Variants in CD3D observed in about 807,000 individuals in gnomAD.
CD3D encodes the protein T-cell surface glycoprotein CD3 delta chain.
A neutral mutation model predicts 22.0 loss-of-function variants in CD3D; 22 were observed. The ratio of observed to expected loss-of-function variants is 1.00; its 90% CI spans 0.71 to 1.43. The LOEUF (loss-of-function observed/expected upper bound fraction) is 1.43, where lower values mean the gene tolerates loss of function less well. CD3D is among the 40% of genes most tolerant of loss of function. The probability of loss-of-function intolerance (pLI) is 0.00; values close to 1 mark genes in which losing one functional copy is unlikely to be tolerated. For synonymous variants in CD3D, 74 were observed against 81.2 expected (o/e 0.91, Z 0.48); for missense variants, 205 against 211.7 (o/e 0.97, Z 0.20).
In CD3D at chr11:118,339,605, A is replaced by G. The variant is rs936352803; in HGVS notation, c.407-111T>C. 1.9e-6 allele frequency: 3 copies of G among 1,567,234 alleles called. No individual in the cohort carries two copies. In the African/African-American group the frequency reaches 4.1e-5, roughly 21 times the overall value. ...TGATATGAACACACAAGTTCTTTCAACAGTCAAAGTTCTAGGAGTCTTTAG... is the reference window on the plus strand; with the variant it reads ...TGATATGAACACACAAGTTCTTTCAGCAGTCAAAGTTCTAGGAGTCTTTAG... On this transcript the variant is annotated intron_variant, in intron 3 of 4. Coordinates refer to ENST00000300692, the MANE Select transcript of CD3D (RefSeq NM_000732.6).
At position 118,339,741 on chromosome 11, in the gene CD3D, C is replaced by CAT. The variant is rs57470363; in HGVS notation, c.406+33_406+34insAT. On this transcript the variant is annotated intron_variant, in intron 3 of 4. Transcript: ENST00000300692. ...ACACACACACACACACACACACACA[C>CAT]AAACACACTCTCATGCTCTGCTCTT... 24 of 1,604,098 alleles carry CAT rather than the reference C, an allele frequency of 1.5e-5. No individual in the cohort carries two copies. In the African/African-American group the frequency reaches 2.9e-4, roughly 19 times the overall value.
intron 1 of CD3D, 102 bp downstream of exon 1, chr11:118,342,451 G>A: frequency 1.9e-6 from 2 of 1,049,236 alleles, no homozygotes; most frequent in Non-Finnish European, 3.0e-6. Context: ...GATTACTGGT[G>A]TGAGCCACCG....
Position 118,339,911 on chromosome 11 carries a change from G to A in CD3D, c.275-5C>T, listed in dbSNP as rs188697778. ...GCTCCACACAGCTCTGGCACACTGT[G>A]GGGGAAGGGAGGAGAGAGGAGAGGT... On this transcript the variant is annotated splice_region_variant and splice_polypyrimidine_tract_variant and intron_variant, in intron 2 of 4. Transcript: ENST00000300692. 24 of 1,613,994 alleles carry A rather than the reference G, an allele frequency of 1.5e-5. 1 individual carries two copies. The Admixed American group carries it at 1.8e-4, about 12-fold the overall frequency.
chr11:118,340,067 A>T (rs1434673904), intron 2 of CD3D, among the ~76,000 whole-genome samples, 161 bp from the exon 3 acceptor site: 2 of 152,030 alleles, frequency 1.3e-5, no homozygotes, highest in Admixed American at 1.3e-4. Flanking sequence ...ACCTTCCTCC[A>T]CCCTGCATCC....
chr11:118,340,013 T>C, intron 2 of CD3D, 107 bp from the exon 3 acceptor site: 1 of 1,342,418 alleles, frequency 7.4e-7, no homozygotes, highest in Non-Finnish European at 1.1e-6. Flanking sequence ...AAACCCAAAC[T>C]TCAATAAGAC....
chr11:118,339,357 A>G, intron 4 of CD3D, 94 bp downstream of exon 4: 2 of 1,509,264 alleles, frequency 1.3e-6, no homozygotes, highest in African/African-American at 1.4e-5. Context: ...ACTCCCCAGT[A>G]GGACCCTTCC....
chr11:118,339,062 C>G, downstream of CD3D: 3 of 1,105,274 alleles, frequency 2.7e-6, no homozygotes, highest in Admixed American at 3.4e-5. Context: ...CCTTAAGAAG[C>G]CCAGGCACCT....
intron 1 of CD3D, among the ~76,000 whole-genome samples, chr11:118,341,808 G>T (rs956566483): frequency 6.6e-6 from 1 of 152,144 alleles, no homozygotes; most frequent in African/African-American, 2.4e-5. Context: ...TCTTCCCTCC[G>T]TCCTGCTCAA....
At position 118,340,565 on chromosome 11, in the gene CD3D, T is replaced by C; in HGVS notation, c.84A>G (p.Glu28=). The change falls in exon 2 of 5, where the codon GAA becomes GAG. Residue 28 remains glutamate (E), a synonymous_variant. Transcript: ENST00000300692. The part of the protein sequence containing the change: ...QVSPFKIPIE[E]LEDRVFVNCN... ...AATTCACAAACACTCTGTCCTCAAG[T>C]TCCTCTATAGGTATCTTGAAGGGGC... 2 of 1,613,956 alleles carry C rather than the reference T, an allele frequency of 1.2e-6. No individual in the cohort carries two copies. The highest frequency in any genetic ancestry group is 8.5e-7 in the Non-Finnish European group (1 of 1,179,864).
intron 1 of CD3D, among the ~76,000 whole-genome samples, chr11:118,341,668 C>T (rs1948301276): frequency 6.6e-6 from 1 of 152,182 alleles, no homozygotes; most frequent in African/African-American, 2.4e-5. Flanking sequence ...GTGCAGCCAA[C>T]TATTAGGTGA....
chr11:118,340,774 G>T, intron 1 of CD3D, 181 bp from the exon 2 acceptor site: 1 of 691,864 alleles, frequency 1.4e-6, no homozygotes, highest in Non-Finnish European at 2.6e-6. Flanking sequence ...CAACTGCAGG[G>T]GTCAAGGGGG....
rs78306002 is a variant in CD3D at position 118,339,741 on chromosome 11, C to T, written c.406+34G>A. 2.0e-3 allele frequency: 3,225 copies of T among 1,604,078 alleles called. 54 individuals are homozygous for T. In the African/African-American group the frequency reaches 0.04, roughly 20 times the overall value. ...ACACACACACACACACACACACACA[C>T]AAACACACTCTCATGCTCTGCTCTT... On this transcript the variant is annotated intron_variant, in intron 3 of 4. Coordinates refer to ENST00000300692, the MANE Select transcript of CD3D (RefSeq NM_000732.6).
Position 118,339,201 on chromosome 11 carries a change from C to T in CD3D, c.477G>A (p.Gln159=), listed in dbSNP as rs567299359. The T allele has an allele frequency of 1.2e-5, 20 of 1,614,044 alleles. No homozygotes were observed. The East Asian group carries it at 4.2e-4, about 34-fold the overall frequency. ...CCCAGTTTCCTCCAAGGTGGCTGTA[C>T]TGAGCATCATCTCGATCTCGGAGGG... is the stretch of plus-strand genomic sequence containing the variant. ...YQPLRDRDDA[Q]YSHLGGNWAR... The change falls in exon 5 of 5, where the codon CAG becomes CAA. Residue 159 remains glutamine (Q), a synonymous_variant. Transcript: ENST00000300692.
rs200847716 is a variant in CD3D, at chr11:118,342,567, G to C, written c.41C>G (p.Thr14Ser). 6.2e-7 allele frequency: 1 copy of C among 1,613,376 alleles called. No individual in the cohort carries two copies. The highest frequency in any genetic ancestry group is 2.2e-5 in the East Asian group (1 of 44,884). The change falls in exon 1 of 5, where the codon ACC becomes AGC. Residue 14 changes from threonine (T) to serine (S), a missense_variant. Physicochemically the swap from Thr to Ser is moderately conservative, Grantham distance 58. Transcript: ENST00000300692. ...STFLSGLVLA[T>S]LLSQVSPFKI... ...AGTAGCCTTACCTTGCGAGAGAAGG[G>C]TAGCCAGTACCAGGCCAGAGAGAAA... is the stretch of plus-strand genomic sequence containing the variant.
chr11:118,341,581 T>G (rs1000661989), intron 1 of CD3D, among the ~76,000 whole-genome samples: 3 of 152,200 alleles, frequency 2.0e-5, no homozygotes, highest in African/African-American at 7.2e-5. Flanking sequence ...GGGAGACACA[T>G]GCACATCAAA....
In CD3D at chr11:118,339,093, T is replaced by C. The variant is rs1948274998; in HGVS notation, c.*69A>G. 1.5e-6 allele frequency: 2 copies of C among 1,348,256 alleles called. No homozygotes were observed. The highest frequency in any genetic ancestry group is 2.1e-6 in the Non-Finnish European group (2 of 937,492). The allele number at this position is 1,348,256 out of a possible 1,614,324, so 83.5% of individuals were successfully genotyped here. On this transcript the variant is annotated 3_prime_UTR_variant, in exon 5 of 5. Transcript: ENST00000300692. ...CACCTGCTGAGTGAAAGAGGATATA[T>C]TTATTGGCTGAGCAAGAAGGGAAGG...
Position 118,339,504 on chromosome 11 carries a change from C to A in CD3D, c.407-10G>T, listed in dbSNP as rs746931576. On this transcript the variant is annotated splice_polypyrimidine_tract_variant and intron_variant, in intron 3 of 4. Transcript: ENST00000300692. ...GCTTGTGTGTCGGCAGCTAGAAGAA[C>A]CAGAGAGAGACATCAATGGCCTAGC... 1 of 1,614,120 alleles carries A rather than the reference C, an allele frequency of 6.2e-7. No individual in the cohort carries two copies. The highest frequency in any genetic ancestry group is 2.2e-5 in the East Asian group (1 of 44,874).
intron 2 of CD3D, 62 bp from the exon 3 acceptor site, chr11:118,339,968 T>C: frequency 6.2e-7 from 1 of 1,603,406 alleles, no homozygotes; most frequent in East Asian, 2.2e-5. Flanking sequence ...AACCATCCTC[T>C]GCCTCCTAGG....
chr11:118,339,355 G>A, intron 4 of CD3D, 96 bp downstream of exon 4: 9 of 1,508,886 alleles, frequency 6.0e-6, no homozygotes, highest in Non-Finnish European at 8.3e-6. Context: ...GAACTCCCCA[G>A]TAGGACCCTT....
Sources: allele counts gnomAD v4.1 joint callset (sites outside exome capture counted in the v4.1 genomes callset), GRCh38; gene constraint gnomAD v4.1.1; transcripts MANE v1.5; gene names NCBI Gene and HGNC (gene_info 2026-07-23, HGNC 2026-07-21).